GRB7: variants seen among roughly 807,000 people sequenced by gnomAD.
GRB7 encodes the protein growth factor receptor bound protein 7, also known as growth factor receptor-bound protein 7.
In GRB7, 47 loss-of-function variants were observed where a neutral mutation model predicts 64.1. That is an observed-to-expected ratio of 0.73 (90% CI 0.58 to 0.94). The LOEUF is 0.94. Among genes scored for constraint, GRB7 ranks in the 40% least tolerant of loss-of-function variants. The pLI is 0.00. For missense variants in GRB7, 634 were observed against 718.4 expected (o/e 0.88, Z 1.34); for synonymous variants, 277 against 279.9 (o/e 0.99, Z 0.10).
At position 39,743,232 on chromosome 17, in the gene GRB7, C is replaced by A. The variant is rs201537552; in HGVS notation, c.516C>A (p.Pro172=). Reference sequence around the variant, plus strand: ...TGGTGGAAGTGCAGGCTGCCTGGCCCGTGGGCGGAGATAGCCGCTTCGTCT... The same window carrying A: ...TGGTGGAAGTGCAGGCTGCCTGGCCAGTGGGCGGAGATAGCCGCTTCGTCT... The part of the protein sequence containing the change: ...ESVVEVQAAW[P]VGGDSRFVFR... The change falls in exon 5 of 15, where the codon CCC becomes CCA. Residue 172 remains proline (P), a synonymous_variant. Coordinates refer to ENST00000309156, the MANE Select transcript of GRB7 (RefSeq NM_005310.5). The A allele has an allele frequency of 6.2e-7, 1 of 1,614,174 alleles. No homozygotes were observed. The highest frequency in any genetic ancestry group is 1.7e-5 in the Admixed American group (1 of 60,034).
Position 39,742,709 on chromosome 17 carries a change from G to T in GRB7, c.299G>T (p.Arg100Leu), listed in dbSNP as rs201668668. 6 of 1,557,218 alleles carry T rather than the reference G, an allele frequency of 3.9e-6. No individual in the cohort carries two copies. The South Asian group carries it at 6.0e-5, about 16-fold the overall frequency. Residue 100 changes from arginine (R) to leucine (L), a missense_variant, in exon 3 of 15, where the codon CGC becomes CTC. Arg to Leu is a moderately radical substitution (Grantham distance 102). Around this residue, in one of 2 missense-constraint regions of GRB7, gnomAD observed 167 missense variants for 141.9 expected, o/e 1.18. Coordinates refer to ENST00000309156, the MANE Select transcript of GRB7 (RefSeq NM_005310.5). Reference sequence around the variant, plus strand: ...GGGCTGCTCCCCCGCGATGCCAGCCGCCCCCATGTGAGTTGTCCCTCAGAA... The same window carrying T: ...GGGCTGCTCCCCCGCGATGCCAGCCTCCCCCATGTGAGTTGTCCCTCAGAA... The part of the protein sequence containing the change: ...ARGLLPRDAS[R>L]PHVVKVYSED...
At chr17:39,744,512 G>A (rs1380324918) in intron 7 of GRB7, 41 bp from the exon 8 acceptor site, 6 of 1,510,348 alleles carry the variant, frequency 4.0e-6, no homozygotes, top group Non-Finnish European at 5.4e-6. Flanking sequence ...ATAGTGGGCG[G>A]GATCTACCTG....
chr17:39,746,343 G>A, intron 14 of GRB7, 141 bp downstream of exon 14: 1 of 716,604 alleles, frequency 1.4e-6, no homozygotes, highest in Non-Finnish European at 2.4e-6. Flanking sequence ...GAGGCTGAGT[G>A]CGGTGGCTCA....
intron 9 of GRB7, 63 bp from the exon 10 acceptor site, chr17:39,745,180 G>A: frequency 7.2e-7 from 1 of 1,389,746 alleles, no homozygotes; most frequent in Non-Finnish European, 9.9e-7. Flanking sequence ...GTCTGAGGGG[G>A]GCGTCACAGC....
chr17:39,744,581 A>G lies in GRB7; in HGVS notation c.830A>G (p.Asp277Gly). 2 of 1,611,998 alleles carry G rather than the reference A, an allele frequency of 1.2e-6. No homozygotes were observed. The highest frequency in any genetic ancestry group is 1.7e-6 in the Non-Finnish European group (2 of 1,179,080). ...CCGAGGCACCTGCAGTACGTGGCAG[A>G]TGTGAACGAGTCCAACGTGTACGTG... is the stretch of plus-strand genomic sequence containing the variant. Reference protein sequence around the residue: ...KDPRHLQYVADVNESNVYVVT... With the variant: ...KDPRHLQYVAGVNESNVYVVT... Residue 277 changes from aspartate to glycine, a missense_variant, in exon 8 of 15, where the codon GAT (aspartate) becomes GGT (glycine). Physicochemically the swap from Asp to Gly is moderately conservative, Grantham distance 94. Transcript: ENST00000309156.
chr17:39,744,308 C>A, intron 7 of GRB7, 101 bp downstream of exon 7: 4 of 1,408,802 alleles, frequency 2.8e-6, no homozygotes, highest in Non-Finnish European at 3.9e-6. Flanking sequence ...CCCCCTGGGC[C>A]CCCCAGGCCA....
intron 4 of GRB7, 25 bp downstream of exon 4, chr17:39,743,079 C>T (rs375552436): frequency 3.8e-5 from 61 of 1,596,698 alleles, no homozygotes; most frequent in Admixed American, 2.2e-4. Context: ...TGGAACTATC[C>T]GGGCTGGGAG....
At position 39,745,286 on chromosome 17, in the gene GRB7, G is replaced by A. The variant is rs145613338; in HGVS notation, c.1055G>A (p.Arg352His). ...AAGAATTACCAGCAGGCACAGTCTC[G>A]CCATCTGCATCCATCTTGTTTGGGC... ...LYKNYQQAQSRHLHPSCLGSP... is the reference protein window; with the variant it reads ...LYKNYQQAQSHHLHPSCLGSP... The change falls in exon 10 of 15, where the codon CGC becomes CAC. Residue 352 changes from arginine (R) to histidine (H), a missense_variant. By Grantham distance (29) the Arg-to-His change is conservative. Coordinates refer to ENST00000309156, the MANE Select transcript of GRB7 (RefSeq NM_005310.5). 6,814 of 1,612,416 alleles carry A rather than the reference G, an allele frequency of 4.2e-3. 14 individuals carry two copies. The highest frequency in any genetic ancestry group is 5.2e-3 in the Non-Finnish European group (6,173 of 1,179,060).
chr17:39,744,472 A>T, intron 7 of GRB7, 81 bp from the exon 8 acceptor site: 1 of 1,189,502 alleles, frequency 8.4e-7, no homozygotes, highest in East Asian at 2.6e-5. Context: ...TGGTCCTGAA[A>T]TCTCCCCACC....
rs529365709 is a variant in GRB7 at position 39,743,399 on chromosome 17, C to G, written c.592C>G (p.Leu198Val). 2.2e-5 allele frequency: 35 copies of G among 1,614,086 alleles called. No homozygotes were observed. In the Admixed American group the frequency reaches 5.5e-4, roughly 25 times the overall value. ...GACACTTGTCTACCCACAGCACTCC[C>G]TGTTCCCAGAAAAAATGGTCTCCAG... The part of the protein sequence containing the change: ...YELFKSSPHS[L>V]FPEKMVSSCL... The change falls in exon 6 of 15, where the codon CTG becomes GTG. Residue 198 changes from leucine (L) to valine (V), a missense_variant. Physicochemically the swap from Leu to Val is conservative, Grantham distance 32 (BLOSUM62 1). Coordinates refer to ENST00000309156, the MANE Select transcript of GRB7 (RefSeq NM_005310.5).
In GRB7 at chr17:39,743,183, G is replaced by T. The variant is rs554954381; in HGVS notation, c.467G>T (p.Arg156Leu). Reference protein sequence around the residue: ...VECHPHLALERGLEDHESVVE... With the variant: ...VECHPHLALELGLEDHESVVE... Reference sequence around the variant, plus strand: ...TGCTTTTTGCCCTTGTCCCCAGAGCGGGGTTTGGAGGACCACGAGTCCGTG... The same window carrying T: ...TGCTTTTTGCCCTTGTCCCCAGAGCTGGGTTTGGAGGACCACGAGTCCGTG... The change falls in exon 5 of 15, where the codon CGG becomes CTG. Residue 156 changes from arginine (R) to leucine (L), a missense_variant. By Grantham distance (102) the Arg-to-Leu change is moderately radical (BLOSUM62 -2). This residue lies in a region of GRB7 where 467 missense variants were observed against 576.6 expected (regional missense o/e 0.81). Transcript: ENST00000309156. The T allele has an allele frequency of 6.2e-6, 10 of 1,614,112 alleles. No individual in the cohort carries two copies. The highest frequency in any genetic ancestry group is 8.5e-6 in the Non-Finnish European group (10 of 1,179,974).
In GRB7 at chr17:39,745,265, A is replaced by G; in HGVS notation, c.1034A>G (p.Asn345Ser). Residue 345 changes from asparagine to serine, a missense_variant, in exon 10 of 15, where the codon AAT becomes AGT. Physicochemically the swap from Asn to Ser is conservative, Grantham distance 46 (BLOSUM62 1). Coordinates refer to ENST00000309156, the MANE Select transcript of GRB7 (RefSeq NM_005310.5). ...CAGTACGGGGTGCAGCTGTACAAGA[A>G]TTACCAGCAGGCACAGTCTCGCCAT... ...LFKYGVQLYKNYQQAQSRHLH... is the reference protein window; with the variant it reads ...LFKYGVQLYKSYQQAQSRHLH... 1 of 1,610,970 alleles carries G rather than the reference A, an allele frequency of 6.2e-7. No individual in the cohort carries two copies. Among genetic ancestry groups the G allele is most frequent in the South Asian group, 1.1e-5 (1 of 90,680 alleles).
chr17:39,743,024 C>G lies in GRB7; in HGVS notation c.433C>G (p.Leu145Val), dbSNP rs2060010587. Residue 145 changes from leucine to valine, a missense_variant, in exon 4 of 15, where the codon CTG (leucine) becomes GTG (valine). By Grantham distance (32) the Leu-to-Val change is conservative. Transcript: ENST00000309156. ...AHALSDETWG[L>V]VECHPHLALE... Reference sequence around the variant, plus strand: ...CGCCTTGAGCGACGAGACCTGGGGGCTGGTGGAGTGCCACCCCCACCTAGC... The same window carrying G: ...CGCCTTGAGCGACGAGACCTGGGGGGTGGTGGAGTGCCACCCCCACCTAGC... 6.2e-7 allele frequency: 1 copy of G among 1,609,764 alleles called. No individual in the cohort carries two copies. The highest frequency in any genetic ancestry group is 8.5e-7 in the Non-Finnish European group (1 of 1,177,414).
At chr17:39,738,817 G>A (rs1191030115) in intron 1 of GRB7, 14 of 1,256,410 alleles carry the variant, frequency 1.1e-5, no homozygotes, top group Admixed American at 2.1e-5. Flanking sequence ...ACTTTGGAGG[G>A]CAGTGAAGGA....
At chr17:39,742,047 C>T (rs1418608898) in intron 1 of GRB7, among the ~76,000 whole-genome samples, 2 of 151,404 alleles carry the variant, frequency 1.3e-5, no homozygotes, top group African/African-American at 2.4e-5. Flanking sequence ...AGGTTCTACT[C>T]CCGACTCACC....
rs1305989379 is a variant in GRB7, at chr17:39,745,233, C to T, written c.1012-10C>T. The T allele has an allele frequency of 6.3e-7, 1 of 1,584,746 alleles. No individual in the cohort carries two copies. Among genetic ancestry groups the T allele is most frequent in the Non-Finnish European group, 8.6e-7 (1 of 1,163,692 alleles). On this transcript the variant is annotated splice_polypyrimidine_tract_variant and intron_variant, in intron 9 of 14. Coordinates refer to ENST00000309156, the MANE Select transcript of GRB7 (RefSeq NM_005310.5). The stretch of plus-strand genomic sequence containing the variant: ...TCGACCTCAAGCTCTCTTTCTCTCC[C>T]CACCCCCAGTACGGGGTGCAGCTGT...
In GRB7 at chr17:39,746,858, G is replaced by A. The variant is rs150294293; in HGVS notation, c.1560G>A (p.Pro520=). ...ACCAGCTGAACCGCGGCATCCTGCC[G>A]TGCTTGCTGCGCCATTGCTGCACGC... ...EFHQLNRGIL[P]CLLRHCCTRV... The change falls in exon 15 of 15, where the codon CCG becomes CCA. Residue 520 remains proline, a synonymous_variant. Transcript: ENST00000309156. The A allele has an allele frequency of 1.3e-4, 207 of 1,612,972 alleles. No individual in the cohort carries two copies. In the African/African-American group the frequency reaches 2.3e-3, roughly 18 times the overall value.
At chr17:39,742,747 A>G in intron 3 of GRB7, 31 bp downstream of exon 3, 2 of 1,535,454 alleles carry the variant, frequency 1.3e-6, no homozygotes, top group Non-Finnish European at 1.8e-6. Flanking sequence ...GAAGGGAGGG[A>G]TGCACGGGTT....
chr17:39,743,604 G>A (rs979229120), intron 6 of GRB7, 134 bp downstream of exon 6: 5 of 724,660 alleles, frequency 6.9e-6, no homozygotes, highest in African/African-American at 1.7e-5. Context: ...ACTGGGGACA[G>A]TCACTTTCCC....
Sources: gnomAD v4.1 joint callset for allele counts (sites outside exome capture counted in the v4.1 genomes callset) on GRCh38, gnomAD v4.1.1 for gene constraint, gnomAD v4.1.1 regional missense constraint, MANE v1.5 for transcripts, NCBI Gene and HGNC (gene_info 2026-07-23, HGNC 2026-07-21) for gene names.